Variants in DDX46 observed in about 807,000 individuals in gnomAD.
The protein encoded by DDX46 is probable ATP-dependent RNA helicase DDX46.
A neutral mutation model predicts 134.9 loss-of-function variants in DDX46; 30 were observed. That is an observed-to-expected ratio of 0.22 (90% CI 0.17 to 0.30). DDX46 has a LOEUF of 0.30. DDX46 is among the 10% of genes least tolerant of loss of function. DDX46 has a pLI of 1.00. For missense variants in DDX46, 622 were observed against 1,248.7 expected, an observed-to-expected ratio of 0.50 and a Z score of 7.56; for synonymous variants, 415 against 404.1, an observed-to-expected ratio of 1.03 and a Z score of -0.32.
At chr5:134,813,131 G>C (rs140271232) in intron 18 of DDX46, among the ~76,000 whole-genome samples, 1,542 of 152,112 alleles carry the variant, frequency 0.01, 23 homozygotes, top group African/African-American at 0.036. Flanking sequence ...TTTTACTAGA[G>C]ACAGGGTTTC....
chr5:134,770,571 A>G (rs564607138), intron 3 of DDX46, among the ~76,000 whole-genome samples: 2 of 152,212 alleles, frequency 1.3e-5, no homozygotes, highest in African/African-American at 4.8e-5. Flanking sequence ...CAGCACATTG[A>G]GAGGCTGAGG....
At chr5:134,772,448 G>C (rs1185116993) in intron 4 of DDX46, among the ~76,000 whole-genome samples, 1 of 151,930 alleles carries the variant, frequency 6.6e-6, no homozygotes, top group Non-Finnish European at 1.5e-5. Flanking sequence ...CTTGAACCCC[G>C]GACTTGGAGA....
rs1755321043 is a variant in DDX46 at position 134,817,773 on chromosome 5, A to T, written c.2832+59A>T. On this transcript the variant is annotated intron_variant, in intron 20 of 22. Coordinates refer to ENST00000452510, the MANE Select transcript of DDX46 (RefSeq NM_001300860.2). ...AAGTAGCAACTCTTCTTTGGAGGAA[A>T]AATCTCATCTTTAAAACCCATGAAC... is the stretch of plus-strand genomic sequence containing the variant. 3.5e-6 allele frequency: 5 copies of T among 1,426,022 alleles called. No homozygotes were observed. In the South Asian group the frequency reaches 6.5e-5, roughly 18 times the overall value. 88.3% of individuals were successfully genotyped at this position (1,426,022 alleles called of 1,614,324 possible).
intron 15 of DDX46, among the ~76,000 whole-genome samples, chr5:134,807,223 T>A (rs1263065837): frequency 3.4e-5 from 5 of 148,234 alleles, no homozygotes; most frequent in African/African-American, 1.0e-4. Flanking sequence ...GGTTTCACCA[T>A]GTTGGTCAGG....
At chr5:134,772,680 A>G (rs1419021782) in intron 4 of DDX46, among the ~76,000 whole-genome samples, 1 of 151,872 alleles carries the variant, frequency 6.6e-6, no homozygotes, top group Non-Finnish European at 1.5e-5. Flanking sequence ...ATTTTTTGGT[A>G]TTTTTCGTAG....
intron 1 of DDX46, among the ~76,000 whole-genome samples, chr5:134,761,176 C>T (rs1015644074): frequency 2.0e-5 from 3 of 152,168 alleles, no homozygotes; most frequent in Non-Finnish European, 2.9e-5. Flanking sequence ...CAAGCGTGTG[C>T]CACCACGCTT....
chr5:134,806,827 A>AT (rs1755002337), intron 15 of DDX46, among the ~76,000 whole-genome samples: 1 of 152,134 alleles, frequency 6.6e-6, no homozygotes, highest in Non-Finnish European at 1.5e-5. Context: ...TCATCATAAA[A>AT]TATTTTGTGG....
chr5:134,824,406 C>T lies in DDX46; in HGVS notation c.2978-2541C>T, dbSNP rs929215548. On this transcript the variant is annotated intron_variant, in intron 21 of 22. Coordinates refer to ENST00000452510, the MANE Select transcript of DDX46 (RefSeq NM_001300860.2). ...AAGAGTTTGAGACCAGCCTGGCCAACATAGTGAAACCCCGTCTCTACTAAA... is the reference window on the plus strand; with the variant it reads ...AAGAGTTTGAGACCAGCCTGGCCAATATAGTGAAACCCCGTCTCTACTAAA... 8.5e-5 allele frequency among the ~76,000 whole-genome samples: 13 copies of T among 152,234 alleles called. No homozygotes were observed. The East Asian group carries it at 2.5e-3, about 29-fold the overall frequency.
At chr5:134,789,889 G>A (rs1754454254) in intron 12 of DDX46, among the ~76,000 whole-genome samples, 1 of 152,146 alleles carries the variant, frequency 6.6e-6, no homozygotes, top group African/African-American at 2.4e-5. Context: ...TTTATGTAAT[G>A]TGTTTTGGTA....
chr5:134,769,619 C>T (rs1753697106), intron 3 of DDX46, among the ~76,000 whole-genome samples: 1 of 150,626 alleles, frequency 6.6e-6, no homozygotes, highest in Non-Finnish European at 1.5e-5. Context: ...CGGCTCACTG[C>T]AACCTCCGCC....
chr5:134,805,026 G>A, intron 15 of DDX46: 1 of 378,294 alleles, frequency 2.6e-6, no homozygotes, highest in Non-Finnish European at 5.2e-6. Context: ...AACTTTGTTG[G>A]TATAAAGGTA....
chr5:134,796,590 C>T (rs77966321), intron 15 of DDX46, among the ~76,000 whole-genome samples: 3 of 152,188 alleles, frequency 2.0e-5, no homozygotes, highest in East Asian at 1.9e-4. Flanking sequence ...TGGTAGCTCA[C>T]GCCTGTAATC....
chr5:134,760,885 G>T (rs536255516), intron 1 of DDX46, among the ~76,000 whole-genome samples: 2 of 151,438 alleles, frequency 1.3e-5, no homozygotes, highest in Non-Finnish European at 2.9e-5. Flanking sequence ...GCCTGCCACC[G>T]CGTCAGGCTA....
At chr5:134,828,629 T>C (rs767087700) in intron 22 of DDX46, 30 bp from the exon 23 acceptor site, 2 of 1,413,654 alleles carry the variant, frequency 1.4e-6, no homozygotes, top group South Asian at 3.1e-5. Context: ...TTGCTTTCTC[T>C]GATGACATAT....
intron 4 of DDX46, among the ~76,000 whole-genome samples, chr5:134,771,509 G>A (rs1418231853): frequency 6.7e-6 from 1 of 148,230 alleles, no homozygotes. Flanking sequence ...TGGCTAACAT[G>A]GTGAAACCCT....
chr5:134,772,155 T>C (rs963335572), intron 4 of DDX46, among the ~76,000 whole-genome samples: 5 of 151,510 alleles, frequency 3.3e-5, no homozygotes, highest in African/African-American at 9.7e-5. Context: ...CACTTGAACC[T>C]GGGAGGCAGA....
chr5:134,781,491 A>G (rs1754152423), intron 7 of DDX46, among the ~76,000 whole-genome samples: 1 of 152,164 alleles, frequency 6.6e-6, no homozygotes, highest in Non-Finnish European at 1.5e-5. Context: ...CAGGCATACA[A>G]TATGGAGAGA....
chr5:134,760,425 G>A (rs1219151400), intron 1 of DDX46, among the ~76,000 whole-genome samples: 2 of 152,200 alleles, frequency 1.3e-5, no homozygotes, highest in Non-Finnish European at 2.9e-5. Context: ...TTGAGAAGTA[G>A]TAGGAGGTAG....
At chr5:134,806,588 T>TA (rs1754993250) in intron 15 of DDX46, among the ~76,000 whole-genome samples, 1 of 152,216 alleles carries the variant, frequency 6.6e-6, no homozygotes, top group Non-Finnish European at 1.5e-5. Flanking sequence ...GGTGAAGTGT[T>TA]AGATTCCAGT....
Sources: gnomAD v4.1 joint callset for allele counts (sites outside exome capture counted in the v4.1 genomes callset) on GRCh38, gnomAD v4.1.1 for gene constraint, MANE v1.5 for transcripts, NCBI Gene and HGNC (gene_info 2026-07-23, HGNC 2026-07-21) for gene names.